PYGO1: variants seen among roughly 807,000 people sequenced by gnomAD.
The protein encoded by PYGO1 is pygopus homolog 1.
A neutral mutation model predicts 29.5 loss-of-function variants in PYGO1; 6 were observed. That is an observed-to-expected ratio of 0.20 (90% CI 0.11 to 0.40). The LOEUF (loss-of-function observed/expected upper bound fraction) is 0.40. Among genes scored for constraint, PYGO1 ranks in the 10% least tolerant of loss-of-function variants. The probability of loss-of-function intolerance (pLI) is 1.00; values close to 1 mark genes in which losing one functional copy is unlikely to be tolerated. For synonymous variants in PYGO1, 186 were observed against 180.5 expected (o/e 1.03, Z -0.24); for missense variants, 515 against 514.9 (o/e 1.00, Z 0.00).
At chr15:55,569,959 T>C (rs577882832) in intron 1 of PYGO1, among the ~76,000 whole-genome samples, 1 of 152,284 alleles carries the variant, frequency 6.6e-6, no homozygotes, top group Admixed American at 6.5e-5. Flanking sequence ...TCTTGGAAAA[T>C]ACCTGCAGCT....
At chr15:55,580,376 G>T (rs1438912) in intron 1 of PYGO1, among the ~76,000 whole-genome samples, 122,869 of 152,146 alleles carry the variant, frequency 0.81, 51,995 homozygotes, top group Non-Finnish European at 0.95. Context: ...TGTAGGTTAT[G>T]TACATTTATT....
Position 55,540,369 on chromosome 15 carries a change from C to T in PYGO1, c.*5654G>A, listed in dbSNP as rs1001391581. 2 of 151,948 alleles carry T rather than the reference C, an allele frequency of 1.3e-5. No homozygotes were observed. The highest frequency in any genetic ancestry group is 6.6e-5 in the Admixed American group (1 of 15,246). The allele number at this position is 151,948 out of a possible 1,614,324, so 9.4% of individuals were successfully genotyped here. A position where few individuals can be genotyped will look rare whatever the true frequency, so the allele number is the denominator to read the frequency against. The stretch of plus-strand genomic sequence containing the variant: ...CTTTTTTGGTTGGGAAATATCAGCA[C>T]AAGTTAAAAGTTACTATATAATTTT... On this transcript the variant is annotated 3_prime_UTR_variant, in exon 3 of 3. Transcript: ENST00000563719.
At chr15:55,556,778 T>G (rs756192736) in intron 1 of PYGO1, among the ~76,000 whole-genome samples, 1 of 92,936 alleles carries the variant, frequency 1.1e-5, no homozygotes, top group East Asian at 3.2e-4. Flanking sequence ...AAGAATCAAA[T>G]AGACACAATC....
chr15:55,554,026 C>T (rs1182859106), intron 1 of PYGO1, among the ~76,000 whole-genome samples: 1 of 152,146 alleles, frequency 6.6e-6, no homozygotes, highest in Non-Finnish European at 1.5e-5. Flanking sequence ...AAAACCCCAT[C>T]CAAAGGTCAG....
intron 1 of PYGO1, among the ~76,000 whole-genome samples, chr15:55,568,803 ATG>A (rs1158691098): frequency 2.6e-5 from 4 of 152,080 alleles, no homozygotes; most frequent in Non-Finnish European, 5.9e-5. Context: ...TCGTGATAGG[ATG>A]TTAGATTTTA....
In PYGO1 at chr15:55,553,773, C is replaced by T. The variant is rs147770136; in HGVS notation, c.50-4778G>A. On this transcript the variant is annotated intron_variant, in intron 1 of 2. Coordinates refer to ENST00000563719, the MANE Select transcript of PYGO1 (RefSeq NM_001367806.1). ...GATACCTCCTATAGAAGCACTCAAG[C>T]CAGCAATAGGTCAGGACTGCCCTGG... Among the ~76,000 whole-genome samples, 144 of 152,124 alleles carry T rather than the reference C, an allele frequency of 9.5e-4. 1 individual carries two copies. Among genetic ancestry groups the T allele is most frequent in the African/African-American group, 3.3e-3 (137 of 41,508 alleles).
Position 55,582,922 on chromosome 15 carries a change from G to A in PYGO1, c.49+4913C>T, listed in dbSNP as rs577894475. On this transcript the variant is annotated intron_variant, in intron 1 of 2. Coordinates refer to ENST00000563719, the MANE Select transcript of PYGO1 (RefSeq NM_001367806.1). Reference sequence around the variant, plus strand: ...CCAAATCCTCTATATTCATCCCATCGAGACAGTCTATATTTTCTTGTAAAG... The same window carrying A: ...CCAAATCCTCTATATTCATCCCATCAAGACAGTCTATATTTTCTTGTAAAG... Among the ~76,000 whole-genome samples, 9 of 151,702 alleles carry A rather than the reference G, an allele frequency of 5.9e-5. No individual in the cohort carries two copies. In the South Asian group the frequency reaches 6.3e-4, roughly 11 times the overall value.
At chr15:55,553,767 C>T (rs1023346814) in intron 1 of PYGO1, among the ~76,000 whole-genome samples, 4 of 152,100 alleles carry the variant, frequency 2.6e-5, no homozygotes, top group Non-Finnish European at 5.9e-5. Flanking sequence ...TATAGAAGCA[C>T]TCAAGCCAGC....
chr15:55,575,149 T>G (rs2058996021), intron 1 of PYGO1, among the ~76,000 whole-genome samples: 1 of 152,196 alleles, frequency 6.6e-6, no homozygotes, highest in East Asian at 1.9e-4. Flanking sequence ...ATATGAAGTT[T>G]TAAACTATGT....
rs541733477 is a variant in PYGO1, at chr15:55,543,136, C to T, written c.*2887G>A. On this transcript the variant is annotated 3_prime_UTR_variant, in exon 3 of 3. Transcript: ENST00000563719. ...CTTTCAGTGAAGGAAAGGGATTATA[C>T]CAAAAAAGGTACAATTCCACCTGTG... 2.0e-5 allele frequency: 3 copies of T among 151,182 alleles called. No homozygotes were observed. The highest frequency in any genetic ancestry group is 3.9e-4 in the East Asian group (2 of 5,132). 9.4% of individuals were successfully genotyped at this position (151,182 alleles called of 1,614,324 possible). A position where few individuals can be genotyped will look rare whatever the true frequency, so the allele number is the denominator to read the frequency against.
chr15:55,586,084 C>A (rs1010044454), intron 1 of PYGO1, among the ~76,000 whole-genome samples: 3 of 152,268 alleles, frequency 2.0e-5, no homozygotes, highest in Non-Finnish European at 4.4e-5. Flanking sequence ...GTGTCACAAG[C>A]TAGTTCTATA....
intron 1 of PYGO1, among the ~76,000 whole-genome samples, chr15:55,551,641 TA>T (rs976798064): frequency 1.3e-5 from 2 of 151,550 alleles, no homozygotes; most frequent in Admixed American, 6.6e-5. Context: ...ACATTAAAAT[TA>T]AAATTAAAAA....
Position 55,574,763 on chromosome 15 carries a change from A to G in PYGO1, c.49+13072T>C, listed in dbSNP as rs1373051423. On this transcript the variant is annotated intron_variant, in intron 1 of 2. Transcript: ENST00000563719. Reference sequence around the variant, plus strand: ...TGTCATTTATTTTTTATCTACCTACAATATATGGCCTTATCCACAGGCAAT... The same window carrying G: ...TGTCATTTATTTTTTATCTACCTACGATATATGGCCTTATCCACAGGCAAT... Among the ~76,000 whole-genome samples, 4 of 152,260 alleles carry G rather than the reference A, an allele frequency of 2.6e-5. No individual in the cohort carries two copies. In the East Asian group the frequency reaches 7.7e-4, roughly 29 times the overall value.
rs2058820961 is a variant in PYGO1, at chr15:55,539,687, T to C, written c.*6336A>G. On this transcript the variant is annotated 3_prime_UTR_variant, in exon 3 of 3. Coordinates refer to ENST00000563719, the MANE Select transcript of PYGO1 (RefSeq NM_001367806.1). ...ATTCAAGTCAAATATAATAGGATTA[T>C]GATACAGTATGGTATCTAGCGTTTT... 1 of 152,092 alleles carries C rather than the reference T, an allele frequency of 6.6e-6. No individual in the cohort carries two copies. Among genetic ancestry groups the C allele is most frequent in the African/African-American group, 2.4e-5 (1 of 41,464 alleles). The allele number at this position is 152,092 out of a possible 1,614,324, so 9.4% of individuals were successfully genotyped here.
rs766608357 is a variant in PYGO1 at position 55,546,118 on chromosome 15, C to A, written c.1165G>T (p.Val389Leu). ...YGLLTAEASA[V>L]WGCDTCMADK... ...GCCATACAGGTATCACAGCCCCATA[C>A]TGCAGATGCTTCTGCAGTTAAGAGG... Residue 389 changes from valine (V) to leucine (L), a missense_variant, in exon 3 of 3, where the codon GTA (valine) becomes TTA (leucine). Coordinates refer to ENST00000563719, the MANE Select transcript of PYGO1 (RefSeq NM_001367806.1). The A allele has an allele frequency of 6.2e-7, 1 of 1,614,190 alleles. No homozygotes were observed. Among genetic ancestry groups the A allele is most frequent in the Non-Finnish European group, 8.5e-7 (1 of 1,180,020 alleles).
intron 1 of PYGO1, among the ~76,000 whole-genome samples, chr15:55,576,930 G>T (rs1595993406): frequency 1.3e-5 from 2 of 151,638 alleles, no homozygotes. Context: ...TAAGCCAAGG[G>T]AAAGGTCAAG....
intron 1 of PYGO1, among the ~76,000 whole-genome samples, chr15:55,558,893 C>T (rs1181845506): frequency 6.6e-6 from 1 of 151,706 alleles, no homozygotes; most frequent in Non-Finnish European, 1.5e-5. Context: ...AGAAGAAAAC[C>T]TAGGCAATAC....
chr15:55,553,299 T>C (rs549629392), intron 1 of PYGO1, among the ~76,000 whole-genome samples: 40 of 152,288 alleles, frequency 2.6e-4, no homozygotes, highest in African/African-American at 8.9e-4. Context: ...TAGACAGTCT[T>C]TCCTGCCTGC....
In PYGO1 at chr15:55,546,839, A is replaced by T. The variant is rs2058853800; in HGVS notation, c.444T>A (p.Phe148Leu). 1 of 1,613,974 alleles carries T rather than the reference A, an allele frequency of 6.2e-7. No individual in the cohort carries two copies. Among genetic ancestry groups the T allele is most frequent in the Non-Finnish European group, 8.5e-7 (1 of 1,180,008 alleles). ...MGFNRPHAFN[F>L]GPHDNSSFGN... ...CGAAACTTGAATTATCATGTGGCCC[A>T]AAGTTAAAAGCATGAGGTCGATTAA... The change falls in exon 3 of 3, where the codon TTT becomes TTA. Residue 148 changes from phenylalanine to leucine, a missense_variant. By Grantham distance (22) the Phe-to-Leu change is conservative (BLOSUM62 0). Transcript: ENST00000563719.
Sources: gnomAD v4.1 joint callset for allele counts (sites outside exome capture counted in the v4.1 genomes callset) on GRCh38, gnomAD v4.1.1 for gene constraint, MANE v1.5 for transcripts, NCBI Gene and HGNC (gene_info 2026-07-23, HGNC 2026-07-21) for gene names.